Variants in FOXP1 observed in about 807,000 individuals in gnomAD.
The protein encoded by FOXP1 is forkhead box protein P1.
In FOXP1, 15 loss-of-function variants were observed where a neutral mutation model predicts 98.2. The observed-to-expected ratio is 0.15, with a 90% CI of 0.10 to 0.24. The LOEUF is 0.24. Ranked by LOEUF, FOXP1 falls within the 10% of genes least tolerant of loss-of-function variation. FOXP1 has a pLI of 1.00. For synonymous variants in FOXP1, 371 were observed against 314.5 expected (o/e 1.18, Z -1.90); for missense variants, 633 against 848.5 (o/e 0.75, Z 3.15).
chr3:71,321,678 G>A (rs1304445019), intron 4 of FOXP1, among the ~76,000 whole-genome samples: 1 of 151,286 alleles, frequency 6.6e-6, no homozygotes, highest in African/African-American at 2.4e-5. Flanking sequence ...CCGGAGTGCA[G>A]TGGTGCGATC....
chr3:71,094,282 T>TC (rs1449249340), intron 7 of FOXP1, among the ~76,000 whole-genome samples: 6 of 145,010 alleles, frequency 4.1e-5, no homozygotes, highest in Non-Finnish European at 6.1e-5. Flanking sequence ...TCTTTTCTTT[T>TC]TTTTTTTTTT....
intron 6 of FOXP1, among the ~76,000 whole-genome samples, chr3:71,179,541 C>G (rs1377766968): frequency 1.3e-5 from 2 of 152,068 alleles, no homozygotes; most frequent in Non-Finnish European, 2.9e-5. Context: ...ATGAATTTTC[C>G]CTTAAAACTG....
intron 11 of FOXP1, among the ~76,000 whole-genome samples, chr3:71,036,243 G>A (rs1270995982): frequency 6.6e-6 from 1 of 152,162 alleles, no homozygotes; most frequent in Admixed American, 6.5e-5. Context: ...GTAATACACA[G>A]GGCTCCGTCA....
intron 3 of FOXP1, among the ~76,000 whole-genome samples, chr3:71,471,170 C>T (rs1038940898): frequency 6.6e-6 from 1 of 152,106 alleles, no homozygotes. Flanking sequence ...TTGACATGGT[C>T]TGTGCTCTTA....
intron 2 of FOXP1, among the ~76,000 whole-genome samples, chr3:71,567,133 C>T (rs1322399712): frequency 6.6e-6 from 1 of 152,178 alleles, no homozygotes; most frequent in East Asian, 1.9e-4. Flanking sequence ...GATTTTTAAA[C>T]TTCCCCATTT....
At chr3:71,008,253 A>G (rs2043054907) in intron 12 of FOXP1, among the ~76,000 whole-genome samples, 1 of 152,094 alleles carries the variant, frequency 6.6e-6, no homozygotes, top group Non-Finnish European at 1.5e-5. Context: ...TCTACTCCTC[A>G]TTTTGCCAAT....
intron 3 of FOXP1, among the ~76,000 whole-genome samples, chr3:71,410,548 A>G (rs1436703653): frequency 2.0e-5 from 3 of 152,256 alleles, no homozygotes; most frequent in Non-Finnish European, 4.4e-5. Flanking sequence ...TTATGCAGTC[A>G]AAAAGGCATC....
intron 4 of FOXP1, among the ~76,000 whole-genome samples, chr3:71,314,221 C>T (rs747434564): frequency 6.6e-6 from 1 of 152,150 alleles, no homozygotes; most frequent in Non-Finnish European, 1.5e-5. Context: ...TTTCTACCAT[C>T]TCTACAAGTT....
intron 7 of FOXP1, among the ~76,000 whole-genome samples, chr3:71,080,904 A>G (rs530451342): frequency 5.9e-5 from 9 of 152,168 alleles, no homozygotes; most frequent in Non-Finnish European, 1.3e-4. Flanking sequence ...GATTTGACTC[A>G]ATGAACCCAT....
intron 4 of FOXP1, among the ~76,000 whole-genome samples, chr3:71,350,876 G>T (rs1335995471): frequency 6.6e-6 from 1 of 152,052 alleles, no homozygotes; most frequent in African/African-American, 2.4e-5. Flanking sequence ...ACTTCCCATT[G>T]TTTTGTGTAG....
chr3:71,307,541 T>C (rs1279630154), intron 4 of FOXP1, among the ~76,000 whole-genome samples: 1 of 152,170 alleles, frequency 6.6e-6, no homozygotes, highest in African/African-American at 2.4e-5. Context: ...AAGACGCTGA[T>C]TTTGTCCACC....
intron 3 of FOXP1, among the ~76,000 whole-genome samples, chr3:71,488,459 G>C (rs1358160149): frequency 6.6e-6 from 1 of 152,156 alleles, no homozygotes; most frequent in East Asian, 1.9e-4. Context: ...AACACCTCCT[G>C]CTGCTTATGG....
chr3:71,260,324 A>G (rs903086846), intron 5 of FOXP1, among the ~76,000 whole-genome samples: 5 of 151,946 alleles, frequency 3.3e-5, no homozygotes, highest in Non-Finnish European at 5.9e-5. Context: ...GCGCGGGGGG[A>G]GAAATGCAGA....
At chr3:71,268,745 GC>G (rs1428083166) in intron 5 of FOXP1, among the ~76,000 whole-genome samples, 2 of 152,172 alleles carry the variant, frequency 1.3e-5, no homozygotes, top group Non-Finnish European at 2.9e-5. Context: ...CACCCAAAGG[GC>G]GGTTATCGCT....
At chr3:71,449,594 G>GC (rs1479195914) in intron 3 of FOXP1, among the ~76,000 whole-genome samples, 5 of 152,144 alleles carry the variant, frequency 3.3e-5, no homozygotes, top group Non-Finnish European at 7.4e-5. Flanking sequence ...CCTTTCATCA[G>GC]CCCTCAACAA....
intron 6 of FOXP1, among the ~76,000 whole-genome samples, chr3:71,196,799 A>G (rs947540069): frequency 3.3e-5 from 5 of 152,214 alleles, no homozygotes; most frequent in African/African-American, 1.2e-4. Context: ...AAGTTTATAC[A>G]CAACAAGCAT....
chr3:71,418,202 AAGAATGTAGAC>A (rs2083369525), intron 3 of FOXP1, among the ~76,000 whole-genome samples: 1 of 152,018 alleles, frequency 6.6e-6, no homozygotes, highest in African/African-American at 2.4e-5. Context: ...TACACTTGAG[AAGAATGTAGAC>A]AGAATCACAC....
chr3:71,226,792 C>G (rs1362607115), intron 5 of FOXP1, among the ~76,000 whole-genome samples: 1 of 152,080 alleles, frequency 6.6e-6, no homozygotes, highest in African/African-American at 2.4e-5. Flanking sequence ...GCTCACTCCC[C>G]GCACGCACTA....
chr3:71,539,678 T>C (rs2044633208), intron 2 of FOXP1, among the ~76,000 whole-genome samples: 1 of 152,196 alleles, frequency 6.6e-6, no homozygotes, highest in African/African-American at 2.4e-5. Flanking sequence ...TTTCAGTGTA[T>C]GAGTTTTATA....
Sources: gnomAD v4.1 joint callset for allele counts (sites outside exome capture counted in the v4.1 genomes callset) on GRCh38, gnomAD v4.1.1 for gene constraint, MANE v1.5 for transcripts, NCBI Gene and HGNC (gene_info 2026-07-23, HGNC 2026-07-21) for gene names.